Variants in NCOR2 observed in about 807,000 individuals in gnomAD.
NCOR2 encodes the protein CTG repeat protein 26.
In NCOR2, 81 loss-of-function variants were observed where a neutral mutation model predicts 262.9. That is an observed-to-expected ratio of 0.31 (90% CI 0.26 to 0.37). The LOEUF (loss-of-function observed/expected upper bound fraction) is 0.37. Ranked by LOEUF, NCOR2 falls within the 10% of genes least tolerant of loss-of-function variation. The pLI is 1.00. For missense variants in NCOR2, 3,385 were observed against 3,621.4 expected (o/e 0.93, Z 1.68); for synonymous variants, 1,659 against 1,559.3 (o/e 1.06, Z -1.51).
Position 124,347,930 on chromosome 12 carries a change from G to C in NCOR2, c.3986-19C>G, listed in dbSNP as rs201222373. 16 of 1,552,992 alleles carry C rather than the reference G, an allele frequency of 1.0e-5. No homozygotes were observed. In the East Asian group the frequency reaches 3.4e-4, roughly 33 times the overall value. ...ATGAGACCTGGGTAGGAGAGGGTGA[G>C]GCCATCATTCCGTGGCTCCCTGAGC... On this transcript the variant is annotated intron_variant, in intron 29 of 46. Transcript: ENST00000405201.
chr12:124,344,473 TG>T (rs1208513159), intron 32 of NCOR2, 123 bp downstream of exon 34: 14 of 926,610 alleles, frequency 1.5e-5, no homozygotes, highest in Non-Finnish European at 2.1e-5. Context: ...GCAGGTGGTT[TG>T]GATGTGGTGG....
At chr12:124,559,016 C>T (rs951032657) in intron 1 of NCOR2, among the ~76,000 whole-genome samples, 2 of 152,162 alleles carry the variant, frequency 1.3e-5, no homozygotes, top group African/African-American at 4.8e-5. Context: ...AGACAAGAGG[C>T]GGAGAGGGCC....
intron 1 of NCOR2, chr12:124,562,297 C>T (rs2052097491): frequency 6.6e-6 from 1 of 152,254 alleles, no homozygotes; most frequent in Non-Finnish European, 1.5e-5. Flanking sequence ...CGTATCATCT[C>T]CCATCACCGC....
intron 3 of NCOR2, among the ~76,000 whole-genome samples, chr12:124,479,400 C>T (rs191766562): frequency 1.3e-5 from 2 of 151,944 alleles, no homozygotes; most frequent in Non-Finnish European, 2.9e-5. Context: ...CATGGACACA[C>T]GCACGCACAC....
chr12:124,429,514 G>C lies in NCOR2; in HGVS notation c.1149+99C>G. On this transcript the variant is annotated intron_variant, in intron 10 of 46. Transcript: ENST00000405201. The stretch of plus-strand genomic sequence containing the variant: ...CGCTTCGGTGGCAAAGCCCCTCGAC[G>C]TAAACCACCCGGGAGGTGGTTTCTG... 5.3e-6 allele frequency: 7 copies of C among 1,322,236 alleles called. No homozygotes were observed. In the South Asian group the frequency reaches 9.1e-5, roughly 17 times the overall value. 81.9% of individuals were successfully genotyped at this position (1,322,236 alleles called of 1,614,324 possible). A position where few individuals can be genotyped will look rare whatever the true frequency, so the allele number is the denominator to read the frequency against.
At position 124,378,159 on chromosome 12, in the gene NCOR2, G is replaced by GGGAACT; in HGVS notation, c.2167+77_2167+78insAGTTCC. The GGGAACT allele has an allele frequency of 6.4e-7, 1 of 1,551,816 alleles. No homozygotes were observed. The highest frequency in any genetic ancestry group is 8.7e-7 in the Non-Finnish European group (1 of 1,148,252). On this transcript the variant is annotated intron_variant, in intron 18 of 46. Coordinates refer to ENST00000405201, the Ensembl canonical transcript of NCOR2. The surrounding 1 kb of genome is among the most constrained non-coding windows in gnomAD (Gnocchi z 4.2). ...TGACTCAGGGGAGAGGAGGCTGCCG[G>GGGAACT]GATCAGTTCCCGCTATGCCCTCCCT...
intron 1 of NCOR2, among the ~76,000 whole-genome samples, chr12:124,515,666 T>C (rs1037751957): frequency 5.3e-5 from 8 of 151,880 alleles, no homozygotes; most frequent in Non-Finnish European, 1.2e-4. Context: ...TGAGTGTGCA[T>C]GTGAGTGTGA....
Position 124,531,947 on chromosome 12 carries a change from G to A in NCOR2, c.-118+3618C>T, listed in dbSNP as rs1176257640. Among the ~76,000 whole-genome samples, 1 of 150,364 alleles carries A rather than the reference G, an allele frequency of 6.7e-6. No homozygotes were observed. Among genetic ancestry groups the A allele is most frequent in the Admixed American group, 6.6e-5 (1 of 15,062 alleles). ...TTCGAGTCACGGGCAACCCACTTTTGGGGCCAGGGGCTCCCACAGCCCCCT... is the reference window on the plus strand; with the variant it reads ...TTCGAGTCACGGGCAACCCACTTTTAGGGCCAGGGGCTCCCACAGCCCCCT... On this transcript the variant is annotated intron_variant, in intron 1 of 46. Transcript: ENST00000404621. The surrounding 1 kb of genome is among the most constrained non-coding windows in gnomAD (Gnocchi z 4.5).
intron 18 of NCOR2, among the ~76,000 whole-genome samples, chr12:124,375,267 C>T (rs1467092403): frequency 6.6e-6 from 1 of 152,196 alleles, no homozygotes; most frequent in Non-Finnish European, 1.5e-5. Context: ...GAGGCCAACG[C>T]TGAGGGCCCC....
At position 124,483,854 on chromosome 12, in the gene NCOR2, G is replaced by C; in HGVS notation, c.234-81C>G. ...CGAGGCCCCGACCACCCTCTGCGCC[G>C]AGCATCTACTGCGCGCCGTGCTCTG... is the stretch of plus-strand genomic sequence containing the variant. On this transcript the variant is annotated intron_variant, in intron 2 of 46. Transcript: ENST00000405201. The surrounding 1 kb of genome is among the most constrained non-coding windows in gnomAD (Gnocchi z 6.3). 5 of 1,415,524 alleles carry C rather than the reference G, an allele frequency of 3.5e-6. No homozygotes were observed. Among genetic ancestry groups the C allele is most frequent in the Non-Finnish European group, 4.7e-6 (5 of 1,073,806 alleles). 87.7% of individuals were successfully genotyped at this position (1,415,524 alleles called of 1,614,324 possible).
rs2051652843 is a variant in NCOR2, at chr12:124,549,701, G to A, written c.-164-14090C>T. 6.6e-6 allele frequency among the ~76,000 whole-genome samples: 1 copy of A among 152,144 alleles called. No homozygotes were observed. Among genetic ancestry groups the A allele is most frequent in the Non-Finnish European group, 1.5e-5 (1 of 68,038 alleles). ...AGATGGGGAAACCGAGGCCCAGAAA[G>A]AAAACAGCCCGCCTGAAGGTGACAG... On this transcript the variant is annotated intron_variant, in intron 1 of 32. Transcript: ENST00000458234. The surrounding 1 kb of genome is among the most constrained non-coding windows in gnomAD (Gnocchi z 4.4).
At chr12:124,498,968 ACCAGGAGGGCAGGGTGAGG>A (rs2048529533), upstream of NCOR2, among the ~76,000 whole-genome samples, 1 of 152,250 alleles carries the variant, frequency 6.6e-6, no homozygotes, top group Admixed American at 6.5e-5. Flanking sequence ...ACTGGTGGCT[ACCAGGAGGGCAGGGTGAGG>A]CAGGAATGAG....
At chr12:124,379,339 C>T (rs922047784) in intron 17 of NCOR2, among the ~76,000 whole-genome samples, 2 of 152,228 alleles carry the variant, frequency 1.3e-5, no homozygotes, top group Admixed American at 1.3e-4. Context: ...TCAAACCACT[C>T]GTCTTGGTAG....
chr12:124,544,961 AT>A (rs1203320863), intron 1 of NCOR2, among the ~76,000 whole-genome samples: 2 of 152,134 alleles, frequency 1.3e-5, no homozygotes, highest in Non-Finnish European at 2.9e-5. Context: ...TAGTGCTGTC[AT>A]TTTTTAAAGC....
chr12:124,502,538 G>A (rs1358241622), intron 1 of NCOR2, among the ~76,000 whole-genome samples: 3 of 152,192 alleles, frequency 2.0e-5, no homozygotes, highest in African/African-American at 7.2e-5. Context: ...AGTCTACACA[G>A]CAGGCACAGC....
intron 16 of NCOR2, among the ~76,000 whole-genome samples, 188 bp from the exon 19 acceptor site, chr12:124,386,075 G>A (rs1408352085): frequency 6.6e-6 from 1 of 152,188 alleles, no homozygotes; most frequent in African/African-American, 2.4e-5. Flanking sequence ...AGGTACTAGA[G>A]GGTGGCAGTC....
At chr12:124,550,963 C>T (rs1316906210) in intron 1 of NCOR2, among the ~76,000 whole-genome samples, 4 of 152,264 alleles carry the variant, frequency 2.6e-5, no homozygotes, top group African/African-American at 9.6e-5. Flanking sequence ...GCTCACGTCA[C>T]ATCCCCATGA....
chr12:124,412,656 C>A (rs1036370288), intron 13 of NCOR2, among the ~76,000 whole-genome samples: 6 of 152,234 alleles, frequency 3.9e-5, no homozygotes, highest in African/African-American at 1.2e-4. Context: ...GTGGGGTAGC[C>A]CACCTCGGGC....
intron 7 of NCOR2, among the ~76,000 whole-genome samples, chr12:124,438,796 G>GAA (rs1343914698): frequency 5.9e-5 from 1 of 16,846 alleles, no homozygotes; most frequent in Non-Finnish European, 1.7e-4. Flanking sequence ...GAGAGAGAGA[G>GAA]AGAGAGAGAG....
Sources: allele counts gnomAD v4.1 joint callset (sites outside exome capture counted in the v4.1 genomes callset), GRCh38; gene constraint gnomAD v4.1.1; non-coding constraint Gnocchi (gnomAD v3.1); transcripts MANE v1.5; gene names NCBI Gene and HGNC (gene_info 2026-07-23, HGNC 2026-07-21).